CMTM8: variants seen among roughly 807,000 people sequenced by gnomAD.
CMTM8 encodes CKLF like MARVEL transmembrane domain containing 8, also known as CKLF-like MARVEL transmembrane domain-containing protein 8.
A neutral mutation model predicts 18.6 loss-of-function variants in CMTM8; 12 were observed. The observed-to-expected ratio is 0.65, with a 90% confidence interval of 0.41 to 1.05. CMTM8 has a LOEUF of 1.05. CMTM8 is among the 50% of genes least tolerant of loss of function. The pLI, the probability that CMTM8 is intolerant of heterozygous loss-of-function variation, is 0.00. For synonymous variants in CMTM8, 87 were observed against 90.6 expected (o/e 0.96, Z 0.23); for missense variants, 217 against 227.2 (o/e 0.95, Z 0.29).
Position 32,251,836 on chromosome 3 carries a change from T to C in CMTM8, c.147+12717T>C, listed in dbSNP as rs868826234. 5.3e-5 allele frequency among the ~76,000 whole-genome samples: 8 copies of C among 151,982 alleles called. No individual in the cohort carries two copies. In the South Asian group the frequency reaches 1.7e-3, roughly 32 times the overall value. ...TGGGTGTGGTGGCTCACACCTGTAA[T>C]CCTAGCATTTTGGGAGGCTGAGGCA... On this transcript the variant is annotated intron_variant, in intron 1 of 3. Coordinates refer to ENST00000307526, the MANE Select transcript of CMTM8 (RefSeq NM_178868.5).
intron 1 of CMTM8, among the ~76,000 whole-genome samples, chr3:32,306,728 T>C (rs1695723705): frequency 6.6e-6 from 1 of 152,134 alleles, no homozygotes; most frequent in Non-Finnish European, 1.5e-5. Flanking sequence ...GAAGTTGGGA[T>C]TTGGTGCTAA....
chr3:32,348,270 C>G (rs546107091), intron 1 of CMTM8, among the ~76,000 whole-genome samples: 2 of 152,074 alleles, frequency 1.3e-5, no homozygotes, highest in Non-Finnish European at 2.9e-5. Context: ...AAAAACCATT[C>G]TTGTTTCTGC....
intron 1 of CMTM8, among the ~76,000 whole-genome samples, chr3:32,253,649 G>T (rs931565973): frequency 6.6e-6 from 1 of 151,670 alleles, no homozygotes; most frequent in Non-Finnish European, 1.5e-5. Context: ...CACCATGCCT[G>T]GCTTCTTCAT....
intron 1 of CMTM8, among the ~76,000 whole-genome samples, chr3:32,244,800 A>G (rs1355102689): frequency 6.6e-6 from 1 of 152,154 alleles, no homozygotes; most frequent in African/African-American, 2.4e-5. Flanking sequence ...ACATTTGTCC[A>G]GTGCTTTTCT....
intron 1 of CMTM8, among the ~76,000 whole-genome samples, chr3:32,249,966 G>T (rs758724197): frequency 6.6e-6 from 1 of 152,066 alleles, no homozygotes; most frequent in Non-Finnish European, 1.5e-5. Flanking sequence ...CTAATCCAGG[G>T]TCACAAAGAT....
chr3:32,295,474 AAAAACAAAAC>A (rs1254706754), intron 1 of CMTM8, among the ~76,000 whole-genome samples: 1,682 of 107,404 alleles, frequency 0.016, 118 homozygotes, highest in African/African-American at 0.029. Context: ...AAAAAAAAAA[AAAAACAAAAC>A]AAAACAGCGG....
intron 2 of CMTM8, among the ~76,000 whole-genome samples, chr3:32,366,852 C>G (rs1697048178): frequency 9.6e-6 from 1 of 104,440 alleles, no homozygotes; most frequent in Non-Finnish European, 2.2e-5. Context: ...GGCAGCCTGA[C>G]CCTGGGTCTG....
chr3:32,249,360 G>T (rs1702085687), intron 1 of CMTM8, among the ~76,000 whole-genome samples: 1 of 151,126 alleles, frequency 6.6e-6, no homozygotes, highest in Admixed American at 6.6e-5. Context: ...AGCCAGGGAA[G>T]TTGAAGCTGC....
intron 1 of CMTM8, among the ~76,000 whole-genome samples, chr3:32,281,348 T>A (rs1702606795): frequency 6.6e-6 from 1 of 152,172 alleles, no homozygotes; most frequent in African/African-American, 2.4e-5. Context: ...ATTTAGCACA[T>A]GCATTCTCAT....
chr3:32,281,896 C>G (rs1181503654), intron 1 of CMTM8, among the ~76,000 whole-genome samples: 1 of 151,562 alleles, frequency 6.6e-6, no homozygotes, highest in Non-Finnish European at 1.5e-5. Flanking sequence ...TCTTATCTCA[C>G]TGGATGTGTA....
chr3:32,311,642 T>C (rs1695820984), intron 1 of CMTM8, among the ~76,000 whole-genome samples: 1 of 152,224 alleles, frequency 6.6e-6, no homozygotes, highest in Non-Finnish European at 1.5e-5. Context: ...GTTTCCTCTC[T>C]AGTATTCATA....
intron 1 of CMTM8, among the ~76,000 whole-genome samples, chr3:32,348,649 C>T (rs1010724197): frequency 1.3e-5 from 2 of 150,686 alleles, no homozygotes; most frequent in Non-Finnish European, 2.9e-5. Flanking sequence ...CAGGCACGTG[C>T]CATCACACCC....
At chr3:32,260,018 C>G in intron 1 of CMTM8, 1 of 1,128,712 alleles carries the variant, frequency 8.9e-7, no homozygotes, top group Non-Finnish European at 1.3e-6. Flanking sequence ...GCACCAGGCC[C>G]AGGAGTACAA....
At chr3:32,244,503 G>T (rs1156537532) in intron 1 of CMTM8, among the ~76,000 whole-genome samples, 2 of 152,106 alleles carry the variant, frequency 1.3e-5, no homozygotes, top group Non-Finnish European at 2.9e-5. Context: ...TGTTTAATTC[G>T]AATTTTCTCT....
intron 1 of CMTM8, among the ~76,000 whole-genome samples, chr3:32,353,371 TC>T (rs2125596608): frequency 6.6e-6 from 1 of 152,314 alleles, no homozygotes; most frequent in East Asian, 1.9e-4. Context: ...GAAATTTTCC[TC>T]CTAGAAGTCT....
intron 1 of CMTM8, among the ~76,000 whole-genome samples, chr3:32,263,370 C>T (rs1243649451): frequency 6.6e-6 from 1 of 152,240 alleles, no homozygotes; most frequent in Non-Finnish European, 1.5e-5. Flanking sequence ...CAAACTCCAA[C>T]AGACCTGCAG....
intron 1 of CMTM8, among the ~76,000 whole-genome samples, chr3:32,334,803 G>T (rs1193751689): frequency 6.6e-6 from 1 of 152,088 alleles, no homozygotes; most frequent in African/African-American, 2.4e-5. Context: ...AAAAAAAATT[G>T]TGTAAAGTGA....
intron 1 of CMTM8, among the ~76,000 whole-genome samples, chr3:32,336,032 TCA>T (rs1696379319): frequency 6.6e-6 from 1 of 152,232 alleles, no homozygotes; most frequent in Non-Finnish European, 1.5e-5. Context: ...GCATGGATTC[TCA>T]CACCCGCCAG....
At chr3:32,264,499 G>A (rs1320819564) in intron 1 of CMTM8, among the ~76,000 whole-genome samples, 1 of 152,158 alleles carries the variant, frequency 6.6e-6, no homozygotes, top group African/African-American at 2.4e-5. Flanking sequence ...GCAAAAACAT[G>A]CCAAATTGTA....
Sources: gnomAD v4.1 joint callset for allele counts (sites outside exome capture counted in the v4.1 genomes callset) on GRCh38, gnomAD v4.1.1 for gene constraint, MANE v1.5 for transcripts, NCBI Gene and HGNC (gene_info 2026-07-23, HGNC 2026-07-21) for gene names.